The following ZHX3 variants were observed in gnomAD, a reference collection of about 807,000 sequenced individuals.
ZHX3 encodes zinc fingers and homeoboxes protein 3.
In ZHX3, 20 loss-of-function variants were observed where a neutral mutation model predicts 64.5. That is an observed-to-expected ratio of 0.31 (90% CI 0.22 to 0.45). The LOEUF (loss-of-function observed/expected upper bound fraction) is 0.45, where lower values mean the gene tolerates loss of function less well. Among genes scored for constraint, ZHX3 ranks in the 20% least tolerant of loss-of-function variants. The pLI is 1.00. For missense variants in ZHX3, 1,041 were observed against 1,195.8 expected, an observed-to-expected ratio of 0.87 and a Z score of 1.91; for synonymous variants, 423 against 461.6, an observed-to-expected ratio of 0.92 and a Z score of 1.07.
At chr20:41,255,296 C>T (rs1039900770) in intron 2 of ZHX3, among the ~76,000 whole-genome samples, 117 of 152,150 alleles carry the variant, frequency 7.7e-4, no homozygotes, top group African/African-American at 2.4e-3. Context: ...GGACTACAGG[C>T]GCCCGCCACC....
At chr20:41,242,711 C>A (rs916499913) in intron 2 of ZHX3, among the ~76,000 whole-genome samples, 1 of 152,180 alleles carries the variant, frequency 6.6e-6, no homozygotes, top group South Asian at 2.1e-4. Flanking sequence ...GGAATCAGCT[C>A]TTTCCCTGAT....
At chr20:41,209,156 G>C (rs2038961144) in intron 2 of ZHX3, among the ~76,000 whole-genome samples, 1 of 152,154 alleles carries the variant, frequency 6.6e-6, no homozygotes, top group South Asian at 2.1e-4. Context: ...ACCTCTTCAA[G>C]GAGAACTACA....
intron 1 of ZHX3, among the ~76,000 whole-genome samples, chr20:41,270,374 C>CA (rs71193635): frequency 3.1e-3 from 257 of 83,392 alleles, no homozygotes; most frequent in Middle Eastern, 0.02. Flanking sequence ...AAACTCCGTC[C>CA]AAAAAAAAAA....
At position 41,278,261 on chromosome 20, in the gene ZHX3, T is replaced by C. The variant is rs1373597415; in HGVS notation, c.-244-9178A>G. The stretch of plus-strand genomic sequence containing the variant: ...GGGAAGCTGGGGCAGGAGAACTGCT[T>C]GAACTAGGGAGGCAGAGGTTGCAGT... On this transcript the variant is annotated intron_variant, in intron 1 of 3. Transcript: ENST00000683867. Among the ~76,000 whole-genome samples, 3 of 138,288 alleles carry C rather than the reference T, an allele frequency of 2.2e-5. 1 individual carries two copies. The highest frequency in any genetic ancestry group is 8.2e-5 in the African/African-American group (3 of 36,576). 90.7% of individuals were successfully genotyped at this position (138,288 alleles called of 152,430 possible). A position where few individuals can be genotyped will look rare whatever the true frequency, so the allele number is the denominator to read the frequency against.
chr20:41,278,930 G>A (rs1461789251), intron 1 of ZHX3, among the ~76,000 whole-genome samples: 5 of 151,806 alleles, frequency 3.3e-5, no homozygotes, highest in South Asian at 2.1e-4. Flanking sequence ...CCGCCACCAC[G>A]CCCGGCTAAT....
rs559180063 is a variant in ZHX3, at chr20:41,220,544, C to T, written c.-150-15478G>A. 1.5e-3 allele frequency among the ~76,000 whole-genome samples: 231 copies of T among 152,208 alleles called. 1 individual carries two copies. The highest frequency in any genetic ancestry group is 2.7e-3 in the Non-Finnish European group (187 of 68,006). On this transcript the variant is annotated intron_variant, in intron 2 of 3. Coordinates refer to ENST00000683867, the MANE Select transcript of ZHX3 (RefSeq NM_001384317.1). ...TCTTAGATTTTTTTCTTAGGAGGGTCCCCTTTACTAATGTTCAAGTTCCAC... is the reference window on the plus strand; with the variant it reads ...TCTTAGATTTTTTTCTTAGGAGGGTTCCCTTTACTAATGTTCAAGTTCCAC...
At chr20:41,244,577 A>G (rs1489928210) in intron 2 of ZHX3, among the ~76,000 whole-genome samples, 1 of 152,202 alleles carries the variant, frequency 6.6e-6, no homozygotes, top group African/African-American at 2.4e-5. Flanking sequence ...GGGCCCTTTG[A>G]TGAATGTCCA....
chr20:41,229,989 C>T (rs1301398943), intron 2 of ZHX3, among the ~76,000 whole-genome samples: 1 of 152,172 alleles, frequency 6.6e-6, no homozygotes, highest in South Asian at 2.1e-4. Context: ...CCAGTTTTCT[C>T]AGCACCATTT....
rs1015969982 is a variant in ZHX3, at chr20:41,232,797, G to A, written c.-150-27731C>T. ...AGACGGGGTTTCACCGTGTTAGCCA[G>A]GATAGTCTCGATCTCCTGACCTCGT... On this transcript the variant is annotated intron_variant, in intron 2 of 3. Coordinates refer to ENST00000683867, the MANE Select transcript of ZHX3 (RefSeq NM_001384317.1). This position sits in a 1 kb window ranked among gnomAD's most constrained non-coding sequence, Gnocchi z 5.0. Among the ~76,000 whole-genome samples the A allele has an allele frequency of 6.6e-6, 1 of 152,004 alleles. No homozygotes were observed. The highest frequency in any genetic ancestry group is 2.4e-5 in the African/African-American group (1 of 41,376).
intron 1 of ZHX3, chr20:41,290,480 GC>G (rs2044178095): frequency 6.6e-6 from 1 of 152,220 alleles, no homozygotes; most frequent in Non-Finnish European, 1.5e-5. Context: ...CACCCGACTG[GC>G]ATAGCGTACT....
At chr20:41,300,163 A>G (rs2044749015) in intron 1 of ZHX3, 1 of 152,236 alleles carries the variant, frequency 6.6e-6, no homozygotes, top group Non-Finnish European at 1.5e-5. Flanking sequence ...CAAACCCAGA[A>G]CTGTGGAATC....
chr20:41,243,661 T>C (rs1428637969), intron 2 of ZHX3, among the ~76,000 whole-genome samples: 2 of 152,060 alleles, frequency 1.3e-5, no homozygotes, highest in Non-Finnish European at 2.9e-5. Context: ...AGTGCTGAGG[T>C]TTGGGGCCTT....
chr20:41,310,700 A>C (rs1006841837), intron 1 of ZHX3, among the ~76,000 whole-genome samples: 1 of 151,922 alleles, frequency 6.6e-6, no homozygotes, highest in Non-Finnish European at 1.5e-5. Context: ...TTTTAAAGAA[A>C]GCTATCTTAC....
chr20:41,240,002 CT>C (rs973655327), intron 2 of ZHX3, among the ~76,000 whole-genome samples: 139 of 144,500 alleles, frequency 9.6e-4, no homozygotes, highest in Admixed American at 9.0e-4. Flanking sequence ...TAGGCCATTC[CT>C]TTTTTTTTTT....
At chr20:41,307,892 G>C (rs1411348790) in intron 1 of ZHX3, among the ~76,000 whole-genome samples, 1 of 152,144 alleles carries the variant, frequency 6.6e-6, no homozygotes, top group East Asian at 1.9e-4. Flanking sequence ...CTTGAGGTTA[G>C]AGATCTAAAT....
intron 3 of ZHX3, chr20:41,196,693 AG>A (rs2037732175): frequency 1.7e-5 from 3 of 177,740 alleles, no homozygotes; most frequent in African/African-American, 7.7e-5. Context: ...CTGGAGGTGA[AG>A]AAGGAAGCTC....
At chr20:41,294,920 C>G (rs2044429613) in intron 1 of ZHX3, among the ~76,000 whole-genome samples, 1 of 152,166 alleles carries the variant, frequency 6.6e-6, no homozygotes, top group Admixed American at 6.5e-5. Flanking sequence ...TGGTCTTGAA[C>G]TCCTGACCTC....
rs181750413 is a variant in ZHX3 at position 41,222,582 on chromosome 20, G to C, written c.-150-17516C>G. 9.9e-5 allele frequency among the ~76,000 whole-genome samples: 15 copies of C among 152,238 alleles called. No individual in the cohort carries two copies. The East Asian group carries it at 2.7e-3, about 27-fold the overall frequency. On this transcript the variant is annotated intron_variant, in intron 2 of 3. Transcript: ENST00000683867. ...AGAGAAACTACAGAAATGGGGGTTG[G>C]GGGGAGGCTGGGACCAAATCTAGGG...
intron 3 of ZHX3, among the ~76,000 whole-genome samples, chr20:41,196,451 AAT>A (rs1197439466): frequency 2.6e-3 from 6 of 2,288 alleles, no homozygotes; most frequent in South Asian, 0.026. Context: ...TATTATATAT[AAT>A]ATATTTATAT....
Sources: gnomAD v4.1 joint callset for allele counts (sites outside exome capture counted in the v4.1 genomes callset) on GRCh38, gnomAD v4.1.1 for gene constraint, Gnocchi (gnomAD v3.1) non-coding constraint, MANE v1.5 for transcripts, NCBI Gene and HGNC (gene_info 2026-07-23, HGNC 2026-07-21) for gene names.